RTEL1: variants seen among roughly 807,000 people sequenced by gnomAD.
RTEL1 encodes the protein regulator of telomere elongation helicase 1.
Under a neutral mutation model 162.2 loss-of-function variants are expected in RTEL1, and 86 were observed. That is an observed-to-expected ratio of 0.53 (90% CI 0.45 to 0.63). RTEL1 has a LOEUF of 0.63. Among genes scored for constraint, RTEL1 ranks in the 30% least tolerant of loss-of-function variants. RTEL1 has a pLI of 0.00. For synonymous variants in RTEL1, 958 were observed against 717.9 expected (o/e 1.33, Z -5.35); for missense variants, 1,941 against 1,750.2 (o/e 1.11, Z -1.95).
At position 63,692,815 on chromosome 20, in the gene RTEL1, T is replaced by C; in HGVS notation, c.2663T>C (p.Val888Ala). 1.9e-6 allele frequency: 3 copies of C among 1,610,894 alleles called. No homozygotes were observed. Among genetic ancestry groups the C allele is most frequent in the Non-Finnish European group, 2.5e-6 (3 of 1,178,640 alleles). ...GCCTGTGTCCTGCAGGAGGAGCCCG[T>C]GGCTGGTGCACAGACGGACAGGGCC... is the stretch of plus-strand genomic sequence containing the variant. ...IRLVSHPEEP[V>A]AGAQTDRAKL... Residue 888 changes from valine to alanine, a missense_variant, in exon 29 of 35, where the codon GTG becomes GCG. Val to Ala is a moderately conservative substitution (Grantham distance 64). Transcript: ENST00000360203.
rs398123019 is a variant in RTEL1 at position 63,672,607 on chromosome 20, G to A, written c.751G>A (p.Glu251Lys). ...GAAGGGGACAGTCGTGATCTTTGACGAAGCTCACAACGTGGTGAGTCTCCG... is the reference window on the plus strand; with the variant it reads ...GAAGGGGACAGTCGTGATCTTTGACAAAGCTCACAACGTGGTGAGTCTCCG... The part of the protein sequence containing the change: ...DLKGTVVIFD[E>K]AHNVEKMCEE... The change falls in exon 9 of 35, where the codon GAA (glutamate) becomes AAA (lysine). Residue 251 changes from glutamate to lysine, a missense_variant. By Grantham distance (56) the Glu-to-Lys change is moderately conservative (BLOSUM62 1). Coordinates refer to ENST00000360203, the MANE Select transcript of RTEL1 (RefSeq NM_001283009.2). 1 of 1,584,674 alleles carries A rather than the reference G, an allele frequency of 6.3e-7. No homozygotes were observed. Among genetic ancestry groups the A allele is most frequent in the Non-Finnish European group, 8.6e-7 (1 of 1,163,086 alleles).
chr20:63,694,039 C>T lies in RTEL1; in HGVS notation c.2993-333C>T, dbSNP rs184001394. Among the ~76,000 whole-genome samples, 97 of 152,088 alleles carry T rather than the reference C, an allele frequency of 6.4e-4. No homozygotes were observed. The East Asian group carries it at 0.011, about 17-fold the overall frequency. The stretch of plus-strand genomic sequence containing the variant: ...TTAATGAACAGCCCCTACAGAGTTC[C>T]CCTAGTTCACCCAGGGGGGAACCTA... On this transcript the variant is annotated intron_variant, in intron 30 of 34. Transcript: ENST00000360203.
chr20:63,672,652 C>T, intron 9 of RTEL1, 31 bp downstream of exon 9: 1 of 1,537,438 alleles, frequency 6.5e-7, no homozygotes, highest in South Asian at 1.2e-5. Flanking sequence ...TAAACACCTC[C>T]TATTGCTTCT....
intron 12 of RTEL1, among the ~76,000 whole-genome samples, chr20:63,679,433 C>T (rs1237930541): frequency 1.3e-5 from 2 of 152,006 alleles, no homozygotes; most frequent in Non-Finnish European, 2.9e-5. Context: ...GAGCCACCGC[C>T]TCCCAGAAGC....
chr20:63,685,400 T>C, intron 14 of RTEL1, 123 bp from the exon 15 acceptor site: 1 of 973,092 alleles, frequency 1.0e-6, no homozygotes, highest in Non-Finnish European at 1.5e-6. Context: ...GGCTGCATGA[T>C]GGCAGGGGCC....
rs768188490 is a variant in RTEL1 at position 63,689,813 on chromosome 20, C to T, written c.2089C>T (p.Arg697Ter). 5.6e-6 allele frequency: 9 copies of T among 1,611,870 alleles called. No homozygotes were observed. The highest frequency in any genetic ancestry group is 7.6e-6 in the Non-Finnish European group (9 of 1,179,772). Residue 697 changes from arginine to a stop codon, truncating the protein, a stop_gained, in exon 24 of 35, where the codon CGA becomes TGA. Transcript: ENST00000360203. LOFTEE classifies it high-confidence loss of function. ...ASRAVNQAIG[R>*]VIRHRQDYGA... is the part of the protein sequence containing the mutation. ...CAGGGCTGTGAACCAGGCCATCGGGCGAGTGATCCGGCACCGCCAGGACTA... is the reference window on the plus strand; with the variant it reads ...CAGGGCTGTGAACCAGGCCATCGGGTGAGTGATCCGGCACCGCCAGGACTA...
intron 29 of RTEL1, 57 bp downstream of exon 29, chr20:63,693,060 G>A (rs1174096395): frequency 2.5e-6 from 4 of 1,609,802 alleles, no homozygotes; most frequent in Non-Finnish European, 3.4e-6. Context: ...CCGCGTGTGG[G>A]GTGGGGGCCA....
chr20:63,664,259 G>T (rs1203112083), intron 6 of RTEL1, among the ~76,000 whole-genome samples: 1 of 152,196 alleles, frequency 6.6e-6, no homozygotes, highest in African/African-American at 2.4e-5. Context: ...TCATTTCCGA[G>T]GTCCTCACCT....
Position 63,665,923 on chromosome 20 carries a change from G to T in RTEL1, c.539-81G>T, listed in dbSNP as rs558703898. ...CAGCCCTGCCCGCCGTGTAGGAGCC[G>T]TTCTGTCCTGGGCATCCCCCTGTGG... On this transcript the variant is annotated intron_variant, in intron 6 of 34. Coordinates refer to ENST00000360203, the MANE Select transcript of RTEL1 (RefSeq NM_001283009.2). The T allele has an allele frequency of 9.2e-5, 125 of 1,361,510 alleles. 2 individuals carry two copies. The South Asian group carries it at 1.4e-3, about 16-fold the overall frequency. 84.3% of individuals were successfully genotyped at this position (1,361,510 alleles called of 1,614,324 possible).
At chr20:63,675,888 G>A (rs1172765688) in intron 10 of RTEL1, among the ~76,000 whole-genome samples, 4 of 152,108 alleles carry the variant, frequency 2.6e-5, no homozygotes, top group South Asian at 2.1e-4. Flanking sequence ...CTTACATAAC[G>A]TGGGAGAAAC....
At chr20:63,682,418 TAAG>T (rs1284909707) in intron 14 of RTEL1, 2 of 985,638 alleles carry the variant, frequency 2.0e-6, no homozygotes, top group Admixed American at 6.2e-5. Context: ...GCCTCCCACT[TAAG>T]GAGAAGTCTC....
At position 63,679,958 on chromosome 20, in the gene RTEL1, C is replaced by A; in HGVS notation, c.1135+12C>A. The A allele has an allele frequency of 6.3e-7, 1 of 1,598,954 alleles. No individual in the cohort carries two copies. The highest frequency in any genetic ancestry group is 8.6e-7 in the Non-Finnish European group (1 of 1,169,568). ...GCACCTGGCAGGACGTGAGTGCTGGCACGGGGTCTTTGGTGCGGGCAAATG... is the reference window on the plus strand; with the variant it reads ...GCACCTGGCAGGACGTGAGTGCTGGAACGGGGTCTTTGGTGCGGGCAAATG... On this transcript the variant is annotated intron_variant, in intron 13 of 34. Coordinates refer to ENST00000360203, the MANE Select transcript of RTEL1 (RefSeq NM_001283009.2).
chr20:63,694,614 C>T (rs1395032625), intron 31 of RTEL1, 126 bp downstream of exon 31: 11 of 1,213,844 alleles, frequency 9.1e-6, no homozygotes, highest in Non-Finnish European at 1.3e-5. Flanking sequence ...GGGACTGCTC[C>T]CGGTTCTGCA....
At chr20:63,692,482 G>A (rs1019030746) in intron 28 of RTEL1, 3 of 419,510 alleles carry the variant, frequency 7.2e-6, no homozygotes, top group Non-Finnish European at 1.3e-5. Flanking sequence ...CATCCGCTGT[G>A]GGGCAGGGGG....
Position 63,691,176 on chromosome 20 carries a change from G to A in RTEL1, c.2556+229G>A, listed in dbSNP as rs531935056. 4.6e-5 allele frequency among the ~76,000 whole-genome samples: 7 copies of A among 151,878 alleles called. No individual in the cohort carries two copies. The South Asian group carries it at 1.0e-3, about 23-fold the overall frequency. The stretch of plus-strand genomic sequence containing the variant: ...CAGGTGGTGCATGCCCTGGCCCTCC[G>A]CGGGTGCCCCCCACATCACTTTGGT... On this transcript the variant is annotated intron_variant, in intron 27 of 34. Transcript: ENST00000360203.
rs1193975279 is a variant in RTEL1 at position 63,694,945 on chromosome 20, C to T, written c.3314C>T (p.Ala1105Val). 6.2e-7 allele frequency: 1 copy of T among 1,612,562 alleles called. No homozygotes were observed. The highest frequency in any genetic ancestry group is 8.5e-7 in the Non-Finnish European group (1 of 1,179,868). Residue 1105 changes from alanine to valine, a missense_variant, in exon 32 of 35, where the codon GCA becomes GTA. Coordinates refer to ENST00000360203, the MANE Select transcript of RTEL1 (RefSeq NM_001283009.2). ...VLAVLAALTT[A>V]KPEDFPLLHR... ...GCTGTGTTGGCCGCCCTGACCACTGCAAAGCCAGAGGACTTCCCCCTGCTG... is the reference window on the plus strand; with the variant it reads ...GCTGTGTTGGCCGCCCTGACCACTGTAAAGCCAGAGGACTTCCCCCTGCTG...
chr20:63,689,809 CG>C lies in RTEL1; in HGVS notation c.2088del (p.Arg697GlufsTer2). 6.2e-7 allele frequency: 1 copy of C among 1,612,010 alleles called. No homozygotes were observed. The part of the protein sequence containing the change: ...QASRAVNQAI[G>X]RVIRHRQDYG... ...CGTCCAGGGCTGTGAACCAGGCCAT[CG>C]GGCGAGTGATCCGGCACCGCCAGGA... is the stretch of plus-strand genomic sequence containing the variant. On this transcript the variant is annotated frameshift_variant, in exon 24 of 35. Coordinates refer to ENST00000360203, the MANE Select transcript of RTEL1 (RefSeq NM_001283009.2). LOFTEE classifies it high-confidence loss of function.
Position 63,661,373 on chromosome 20 carries a change from C to T in RTEL1, c.178C>T (p.Arg60Ter), listed in dbSNP as rs1457184127. The T allele has an allele frequency of 2.5e-6, 4 of 1,613,680 alleles. No individual in the cohort carries two copies. Among genetic ancestry groups the T allele is most frequent in the East Asian group, 2.2e-5 (1 of 44,882 alleles). ...LCLLCTTLAW[R>*]EHLRDGISAR... ...CCTGCTGTGCACCACGCTGGCCTGG[C>T]GAGAACACCTCCGAGACGGCATCTC... Residue 60 changes from arginine to a stop codon, truncating the protein, a stop_gained, in exon 3 of 35, where the codon CGA becomes TGA. Transcript: ENST00000360203. LOFTEE classifies it high-confidence loss of function. This position sits in a 1 kb window ranked among gnomAD's most constrained non-coding sequence, Gnocchi z 5.1.
At position 63,693,186 on chromosome 20, in the gene RTEL1, G is replaced by A. The variant is rs745327960; in HGVS notation, c.2895G>A (p.Glu965=). Residue 965 remains glutamate (E), a synonymous_variant, in exon 30 of 35, where the codon GAG becomes GAA. Transcript: ENST00000360203. ...GGCCCCACCATAAGCAGCAGTTTGA[G>A]GAGGTCTGTATCCAGCTGACAGGAC... is the stretch of plus-strand genomic sequence containing the variant. ...FVRPHHKQQF[E]EVCIQLTGRG... 1.2e-6 allele frequency: 2 copies of A among 1,612,184 alleles called. No individual in the cohort carries two copies. The highest frequency in any genetic ancestry group is 1.1e-5 in the South Asian group (1 of 91,090).
Sources: allele counts gnomAD v4.1 joint callset (sites outside exome capture counted in the v4.1 genomes callset), GRCh38; gene constraint gnomAD v4.1.1; non-coding constraint Gnocchi (gnomAD v3.1); transcripts MANE v1.5; gene names NCBI Gene and HGNC (gene_info 2026-07-23, HGNC 2026-07-21).